The following EPHA3 variants were observed in gnomAD, a reference collection of about 807,000 sequenced individuals.
The protein encoded by EPHA3 is ephrin type-A receptor 3.
EPHA3 carries 42 observed loss-of-function variants against 107.1 expected under a neutral mutation model. That is an observed-to-expected ratio of 0.39 (90% CI 0.31 to 0.51). The LOEUF is 0.51. EPHA3 is among the 20% of genes least tolerant of loss of function. The pLI is 0.78. For synonymous variants in EPHA3, 461 were observed against 424.8 expected (o/e 1.09, Z -1.05); for missense variants, 1,183 against 1,211.2 (o/e 0.98, Z 0.35).
At chr3:89,330,860 T>C (rs1707268577) in intron 3 of EPHA3, among the ~76,000 whole-genome samples, 1 of 152,188 alleles carries the variant, frequency 6.6e-6, no homozygotes, top group Admixed American at 6.6e-5. Context: ...ATGCAATTAC[T>C]TAATCTGGAA....
chr3:89,423,025 T>C (rs1437077672), intron 11 of EPHA3, among the ~76,000 whole-genome samples: 3 of 151,408 alleles, frequency 2.0e-5, no homozygotes, highest in Non-Finnish European at 4.4e-5. Flanking sequence ...ATAGAACTTG[T>C]TCTTAGCAAA....
intron 3 of EPHA3, among the ~76,000 whole-genome samples, chr3:89,299,630 T>G (rs1024763953): frequency 1.3e-5 from 2 of 152,008 alleles, no homozygotes; most frequent in Admixed American, 1.3e-4. Flanking sequence ...TTTCTGTAAT[T>G]TAAAAGTAAG....
intron 15 of EPHA3, among the ~76,000 whole-genome samples, chr3:89,460,465 C>T (rs1187897488): frequency 2.6e-5 from 4 of 151,710 alleles, no homozygotes; most frequent in African/African-American, 9.7e-5. Flanking sequence ...TGTTTCATTG[C>T]ATTGATCACT....
At chr3:89,170,092 T>TA (rs902351446) in intron 2 of EPHA3, among the ~76,000 whole-genome samples, 21 of 150,750 alleles carry the variant, frequency 1.4e-4, no homozygotes, top group Admixed American at 2.6e-4. Context: ...ACTAAAACTA[T>TA]AAAAAAAAAT....
chr3:89,359,995 A>C (rs1708058606), intron 5 of EPHA3, among the ~76,000 whole-genome samples: 1 of 149,900 alleles, frequency 6.7e-6, no homozygotes, highest in Admixed American at 6.7e-5. Flanking sequence ...CAACCCTGTA[A>C]TGGAGACATT....
At chr3:89,476,600 TATTTATTTATTTATTTAATTTTTTTG>T (rs1710513998) in intron 16 of EPHA3, among the ~76,000 whole-genome samples, 1 of 142,638 alleles carries the variant, frequency 7.0e-6, no homozygotes, top group Non-Finnish European at 1.5e-5. Flanking sequence ...TTTATTTATT[TATTTATTTATTTATTTAATTTTTTTG>T]AGGCGGATTC....
At chr3:89,186,387 A>G (rs1705569791) in intron 2 of EPHA3, among the ~76,000 whole-genome samples, 1 of 152,114 alleles carries the variant, frequency 6.6e-6, no homozygotes, top group Non-Finnish European at 1.5e-5. Context: ...AAATATAAAT[A>G]AGATAGTAAG....
chr3:89,356,160 A>G (rs1707949538), intron 5 of EPHA3, among the ~76,000 whole-genome samples: 1 of 150,878 alleles, frequency 6.6e-6, no homozygotes, highest in Admixed American at 6.6e-5. Flanking sequence ...AGAGGACATG[A>G]ACTCATCATT....
chr3:89,336,457 A>G (rs1707394941), intron 3 of EPHA3, among the ~76,000 whole-genome samples: 1 of 152,174 alleles, frequency 6.6e-6, no homozygotes, highest in African/African-American at 2.4e-5. Context: ...TGCAAGGGAG[A>G]GAGATTGCTT....
rs142019224 is a variant in EPHA3 at position 89,440,982 on chromosome 3, G to GT, written c.2347-8242dup. Reference sequence around the variant, plus strand: ...AAGATAGAAAGTTCAAAGAGCTATGGTCATAAGTCAGCAAAGCTGTTAAGC... The same window carrying GT: ...AAGATAGAAAGTTCAAAGAGCTATGGTTCATAAGTCAGCAAAGCTGTTAAGC... On this transcript the variant is annotated intron_variant, in intron 13 of 16. Transcript: ENST00000336596. 9.7e-3 allele frequency among the ~76,000 whole-genome samples: 1,476 copies of GT among 152,274 alleles called. 27 individuals carry two copies. The highest frequency in any genetic ancestry group is 0.034 in the African/African-American group (1,413 of 41,562).
At chr3:89,382,508 CAA>C (rs575357952) in intron 5 of EPHA3, among the ~76,000 whole-genome samples, 20 of 79,726 alleles carry the variant, frequency 2.5e-4, no homozygotes, top group African/African-American at 3.4e-4. Flanking sequence ...AATTCCATCT[CAA>C]AAAAAAAAAA....
At chr3:89,219,688 GTTTTTTT>G (rs1553666928) in intron 3 of EPHA3, among the ~76,000 whole-genome samples, 1 of 34,440 alleles carries the variant, frequency 2.9e-5, no homozygotes, top group Non-Finnish European at 5.2e-5. Flanking sequence ...ATTTGGCAAT[GTTTTTTT>G]TTTTTTTGTT....
intron 7 of EPHA3, 168 bp downstream of exon 7, chr3:89,399,648 GT>G: frequency 1.6e-6 from 2 of 1,282,730 alleles, no homozygotes; most frequent in South Asian, 3.1e-5. Flanking sequence ...CAGTATTTGT[GT>G]TTGTGTGGGT....
At chr3:89,243,187 C>T (rs1410988185) in intron 3 of EPHA3, among the ~76,000 whole-genome samples, 1 of 152,032 alleles carries the variant, frequency 6.6e-6, no homozygotes, top group African/African-American at 2.4e-5. Flanking sequence ...CAAGTCTTTG[C>T]TATTGTGAAT....
chr3:89,361,001 A>C (rs2107457913), intron 5 of EPHA3, among the ~76,000 whole-genome samples: 1 of 151,186 alleles, frequency 6.6e-6, no homozygotes, highest in Middle Eastern at 3.4e-3. Flanking sequence ...ATGTGCCCTT[A>C]AATGCTAACT....
At chr3:89,291,566 A>T (rs1706206728) in intron 3 of EPHA3, among the ~76,000 whole-genome samples, 1 of 152,162 alleles carries the variant, frequency 6.6e-6, no homozygotes, top group African/African-American at 2.4e-5. Context: ...AAAAGATAAG[A>T]GTTATTTACA....
intron 10 of EPHA3, among the ~76,000 whole-genome samples, chr3:89,417,965 C>T (rs1362755487): frequency 2.6e-5 from 4 of 151,260 alleles, no homozygotes; most frequent in Non-Finnish European, 5.9e-5. Context: ...TAAAGCTTCC[C>T]AGGGAGAGAG....
Position 89,431,331 on chromosome 3 carries a change from A to T in EPHA3, c.2318A>T (p.Asp773Val). ...TTCGGACTTTCGCGTGTCCTGGAGG[A>T]TGACCCAGAAGCTGCTTATACAACA... ...SDFGLSRVLE[D>V]DPEAAYTTRG... The change falls in exon 13 of 17, where the codon GAT becomes GTT. Residue 773 changes from aspartate (D) to valine (V), a missense_variant. Coordinates refer to ENST00000336596, the MANE Select transcript of EPHA3 (RefSeq NM_005233.6). The T allele has an allele frequency of 6.2e-7, 1 of 1,613,588 alleles. No individual in the cohort carries two copies. The highest frequency in any genetic ancestry group is 2.2e-5 in the East Asian group (1 of 44,814).
intron 2 of EPHA3, among the ~76,000 whole-genome samples, chr3:89,134,677 A>G (rs1431199306): frequency 6.6e-6 from 1 of 152,084 alleles, no homozygotes; most frequent in Non-Finnish European, 1.5e-5. Context: ...GCAGCTTTCA[A>G]TGGCCGGTCA....
Sources: allele counts gnomAD v4.1 joint callset (sites outside exome capture counted in the v4.1 genomes callset), GRCh38; gene constraint gnomAD v4.1.1; transcripts MANE v1.5; gene names NCBI Gene and HGNC (gene_info 2026-07-23, HGNC 2026-07-21).